SERPINA3: variants seen among roughly 807,000 people sequenced by gnomAD.
SERPINA3 encodes the protein serpin family A member 3.
A neutral mutation model predicts 26.8 loss-of-function variants in SERPINA3; 32 were observed. The ratio of observed to expected loss-of-function variants is 1.20; its 90% confidence interval spans 0.90 to 1.61. The LOEUF is 1.61. Among genes scored for constraint, SERPINA3 ranks in the 40% most tolerant of loss-of-function variants. The pLI is 0.00. For missense variants in SERPINA3, 632 were observed against 517.9 expected (o/e 1.22, Z -2.14); for synonymous variants, 252 against 206.4 (o/e 1.22, Z -1.89).
intron 3 of SERPINA3, 39 bp from the exon 4 acceptor site, chr14:94,622,302 C>G (rs1886228566): frequency 1.2e-6 from 2 of 1,611,452 alleles, no homozygotes; most frequent in Non-Finnish European, 1.7e-6. Flanking sequence ...AGGTACTGAT[C>G]AGCAGAGGTT....
At position 94,614,450 on chromosome 14, in the gene SERPINA3, A is replaced by C; in HGVS notation, c.9A>C (p.Arg3Ser). The C allele has an allele frequency of 6.2e-7, 1 of 1,613,710 alleles. No homozygotes were observed. Among genetic ancestry groups the C allele is most frequent in the East Asian group, 2.2e-5 (1 of 44,842 alleles). Reference sequence around the variant, plus strand: ...GCTTTTCAGAGTTGAGAATGGAGAGAATGTTACCTCTCCTGGCTCTGGGGC... The same window carrying C: ...GCTTTTCAGAGTTGAGAATGGAGAGCATGTTACCTCTCCTGGCTCTGGGGC... ME[R>S]MLPLLALGLL... The change falls in exon 2 of 5, where the codon AGA becomes AGC. Residue 3 changes from arginine to serine, a missense_variant. Arg to Ser is a moderately radical substitution (Grantham distance 110). Transcript: ENST00000393078.
chr14:94,612,851 C>T lies in SERPINA3; in HGVS notation c.-9+404C>T, dbSNP rs555812660. ...GGTCCCTCTGAGCAGAGGCCACAGG[C>T]CTCACCATGATTTCAGGGTCTCCAT... On this transcript the variant is annotated intron_variant, in intron 1 of 4. Transcript: ENST00000393078. Among the ~76,000 whole-genome samples, 148 of 152,244 alleles carry T rather than the reference C, an allele frequency of 9.7e-4. 1 individual carries two copies. Among genetic ancestry groups the T allele is most frequent in the African/African-American group, 3.4e-3 (143 of 41,524 alleles).
Position 94,620,027 on chromosome 14 carries a change from A to G in SERPINA3, c.917+559A>G, listed in dbSNP as rs1443570545. 1.7e-5 allele frequency: 4 copies of G among 232,938 alleles called. No individual in the cohort carries two copies. The Admixed American group carries it at 2.0e-4, about 12-fold the overall frequency. The allele number at this position is 232,938 out of a possible 1,614,324, so 14.4% of individuals were successfully genotyped here. A position where few individuals can be genotyped will look rare whatever the true frequency, so the allele number is the denominator to read the frequency against. Reference sequence around the variant, plus strand: ...GGACAGGCAATAAATAAATATAACAAATAAGTTACGTGATATATTAGAAGG... The same window carrying G: ...GGACAGGCAATAAATAAATATAACAGATAAGTTACGTGATATATTAGAAGG... On this transcript the variant is annotated intron_variant, in intron 3 of 4. Transcript: ENST00000393078.
At chr14:94,622,520 C>A (rs763853367) in intron 4 of SERPINA3, 29 bp downstream of exon 4, 1 of 1,612,732 alleles carries the variant, frequency 6.2e-7, no homozygotes, top group Non-Finnish European at 8.5e-7. Context: ...GTCAATTCAT[C>A]CTTTGTATCC....
At chr14:94,619,519 C>T (rs1886126706) in intron 3 of SERPINA3, 51 bp downstream of exon 3, 1 of 1,608,002 alleles carries the variant, frequency 6.2e-7, no homozygotes, top group Non-Finnish European at 8.5e-7. Flanking sequence ...GTCAAGGTCT[C>T]ACCAATGTCC....
chr14:94,617,168 T>C (rs537842294), intron 2 of SERPINA3, among the ~76,000 whole-genome samples: 10 of 152,180 alleles, frequency 6.6e-5, no homozygotes, highest in East Asian at 3.9e-4. Flanking sequence ...CAGAAGCCCC[T>C]GAATGGCTGC....
Position 94,619,483 on chromosome 14 carries a change from C to T in SERPINA3, c.917+15C>T, listed in dbSNP as rs1401046760. ...CTGGAGTTCAGGTGATTCTTCCTGG[C>T]CCCCAAAGACCCCACATCTCTCCAC... is the stretch of plus-strand genomic sequence containing the variant. On this transcript the variant is annotated intron_variant, in intron 3 of 4. Coordinates refer to ENST00000393078, the MANE Select transcript of SERPINA3 (RefSeq NM_001085.5). 10 of 1,613,504 alleles carry T rather than the reference C, an allele frequency of 6.2e-6. No homozygotes were observed. Among genetic ancestry groups the T allele is most frequent in the Admixed American group, 5.0e-5 (3 of 59,974 alleles).
intron 2 of SERPINA3, chr14:94,615,513 C>T: frequency 2.2e-6 from 1 of 454,444 alleles, no homozygotes; most frequent in African/African-American, 2.0e-5. Flanking sequence ...GGGAGGAGCA[C>T]ATTCCAGCCA....
chr14:94,615,001 G>C lies in SERPINA3; in HGVS notation c.560G>C (p.Gly187Ala). 1.2e-6 allele frequency: 2 copies of C among 1,614,200 alleles called. No individual in the cohort carries two copies. Among genetic ancestry groups the C allele is most frequent in the South Asian group, 1.1e-5 (1 of 91,078 alleles). ...KKLINDYVKN[G>A]TRGKITDLIK... ...CTCATCAACGACTACGTGAAGAATG[G>C]AACTAGGGGGAAAATCACAGATCTG... Residue 187 changes from glycine to alanine, a missense_variant, in exon 2 of 5, where the codon GGA (glycine) becomes GCA (alanine). Transcript: ENST00000393078.
rs775502862 is a variant in SERPINA3, at chr14:94,622,425, G to A, written c.1002G>A (p.Glu334=). ...ACATACTTCTCCAGCTGGGCATTGA[G>A]GAAGCCTTCACCAGCAAGGCTGACC... ...LNDILLQLGI[E]EAFTSKADLS... is the part of the protein sequence containing the mutation. The change falls in exon 4 of 5, where the codon GAG becomes GAA. Residue 334 remains glutamate, a synonymous_variant. Coordinates refer to ENST00000393078, the MANE Select transcript of SERPINA3 (RefSeq NM_001085.5). The A allele has an allele frequency of 1.2e-6, 2 of 1,614,140 alleles. No homozygotes were observed. The highest frequency in any genetic ancestry group is 1.7e-6 in the Non-Finnish European group (2 of 1,180,012).
chr14:94,612,893 C>A (rs916364545), intron 1 of SERPINA3, among the ~76,000 whole-genome samples: 13 of 152,230 alleles, frequency 8.5e-5, no homozygotes, highest in Middle Eastern at 3.4e-3. Flanking sequence ...GCCTCGGGAG[C>A]TCCACTTCCC....
chr14:94,615,000 G>A lies in SERPINA3; in HGVS notation c.559G>A (p.Gly187Arg), dbSNP rs2139954412. Residue 187 changes from glycine (G) to arginine (R), a missense_variant, in exon 2 of 5, where the codon GGA becomes AGA. Transcript: ENST00000393078. ...KKLINDYVKN[G>R]TRGKITDLIK... ...GCTCATCAACGACTACGTGAAGAATGGAACTAGGGGGAAAATCACAGATCT... is the reference window on the plus strand; with the variant it reads ...GCTCATCAACGACTACGTGAAGAATAGAACTAGGGGGAAAATCACAGATCT... The A allele has an allele frequency of 2.5e-6, 4 of 1,614,114 alleles. No individual in the cohort carries two copies. The highest frequency in any genetic ancestry group is 3.4e-6 in the Non-Finnish European group (4 of 1,179,974).
At position 94,614,918 on chromosome 14, in the gene SERPINA3, G is replaced by C; in HGVS notation, c.477G>C (p.Arg159Ser). Reference sequence around the variant, plus strand: ...ACAGGTTCACGGAGGATGCCAAGAGGCTGTATGGCTCCGAGGCCTTTGCCA... The same window carrying C: ...ACAGGTTCACGGAGGATGCCAAGAGCCTGTATGGCTCCGAGGCCTTTGCCA... ...LLDRFTEDAK[R>S]LYGSEAFATD... The change falls in exon 2 of 5, where the codon AGG (arginine) becomes AGC (serine). Residue 159 changes from arginine (R) to serine (S), a missense_variant. By Grantham distance (110) the Arg-to-Ser change is moderately radical (BLOSUM62 -1). Coordinates refer to ENST00000393078, the MANE Select transcript of SERPINA3 (RefSeq NM_001085.5). 1 of 1,613,978 alleles carries C rather than the reference G, an allele frequency of 6.2e-7. No individual in the cohort carries two copies. The highest frequency in any genetic ancestry group is 8.5e-7 in the Non-Finnish European group (1 of 1,179,838).
Position 94,623,799 on chromosome 14 carries a change from T to A in SERPINA3, c.1257T>A (p.Asn419Lys), listed in dbSNP as rs772877383. ...QNIFFMSKVT[N>K]PKQA ...TCTTCTTCATGAGCAAAGTCACCAA[T>A]CCCAAGCAAGCCTAGAGCTTGCCAT... The change falls in exon 5 of 5, where the codon AAT (asparagine) becomes AAA (lysine). Residue 419 changes from asparagine (N) to lysine (K), a missense_variant. By Grantham distance (94) the Asn-to-Lys change is moderately conservative. Coordinates refer to ENST00000393078, the MANE Select transcript of SERPINA3 (RefSeq NM_001085.5). 28 of 1,613,886 alleles carry A rather than the reference T, an allele frequency of 1.7e-5. No homozygotes were observed. In the African/African-American group the frequency reaches 2.8e-4, roughly 16 times the overall value.
Position 94,621,214 on chromosome 14 carries a change from C to T in SERPINA3, c.918-1127C>T, listed in dbSNP as rs764850467. Among the ~76,000 whole-genome samples the T allele has an allele frequency of 1.1e-4, 17 of 152,154 alleles. 1 individual carries two copies. Among genetic ancestry groups the T allele is most frequent in the Admixed American group, 8.5e-4 (13 of 15,286 alleles). Reference sequence around the variant, plus strand: ...ACGTGGGGGTCCTACCCAACCCATCCGTTTACTCCCAGACTCCTTCCTCCT... The same window carrying T: ...ACGTGGGGGTCCTACCCAACCCATCTGTTTACTCCCAGACTCCTTCCTCCT... On this transcript the variant is annotated intron_variant, in intron 3 of 4. Coordinates refer to ENST00000393078, the MANE Select transcript of SERPINA3 (RefSeq NM_001085.5).
At chr14:94,619,162 C>G in intron 2 of SERPINA3, 33 bp from the exon 3 acceptor site, 1 of 1,613,974 alleles carries the variant, frequency 6.2e-7, no homozygotes. Context: ...CCCTTGCACT[C>G]ACACCTTCTC....
chr14:94,616,480 C>T (rs1480796416), intron 2 of SERPINA3, among the ~76,000 whole-genome samples: 1 of 152,140 alleles, frequency 6.6e-6, no homozygotes, highest in Non-Finnish European at 1.5e-5. Context: ...TGGAGGGGAC[C>T]GAGCATGCAT....
At position 94,623,750 on chromosome 14, in the gene SERPINA3, T is replaced by C. The variant is rs951442979; in HGVS notation, c.1208T>C (p.Ile403Thr). ...TTCAACAGGCCCTTCCTGATGATCA[T>C]TGTCCCTACAGACACCCAGAACATC... is the stretch of plus-strand genomic sequence containing the variant. ...VRFNRPFLMIIVPTDTQNIFF... is the reference protein window; with the variant it reads ...VRFNRPFLMITVPTDTQNIFF... The change falls in exon 5 of 5, where the codon ATT becomes ACT. Residue 403 changes from isoleucine (I) to threonine (T), a missense_variant. Physicochemically the swap from Ile to Thr is moderately conservative, Grantham distance 89 (BLOSUM62 -1). Coordinates refer to ENST00000393078, the MANE Select transcript of SERPINA3 (RefSeq NM_001085.5). 3.1e-6 allele frequency: 5 copies of C among 1,614,166 alleles called. No individual in the cohort carries two copies. The highest frequency in any genetic ancestry group is 4.2e-6 in the Non-Finnish European group (5 of 1,180,030).
At position 94,614,101 on chromosome 14, in the gene SERPINA3, C is replaced by G. The variant is rs1566845779; in HGVS notation, c.-8-333C>G. 7 of 338,342 alleles carry G rather than the reference C, an allele frequency of 2.1e-5. No individual in the cohort carries two copies. The South Asian group carries it at 2.4e-4, about 11-fold the overall frequency. The allele number at this position is 338,342 out of a possible 1,614,324, so 21.0% of individuals were successfully genotyped here. A position where few individuals can be genotyped will look rare whatever the true frequency, so the allele number is the denominator to read the frequency against. On this transcript the variant is annotated intron_variant, in intron 1 of 4. Coordinates refer to ENST00000393078, the MANE Select transcript of SERPINA3 (RefSeq NM_001085.5). ...TGATTGGACTGAACCTCGGACCCCCCATCAGCTTACAGACCGAGGAGCCAG... is the reference window on the plus strand; with the variant it reads ...TGATTGGACTGAACCTCGGACCCCCGATCAGCTTACAGACCGAGGAGCCAG...
Sources: gnomAD v4.1 joint callset for allele counts (sites outside exome capture counted in the v4.1 genomes callset) on GRCh38, gnomAD v4.1.1 for gene constraint, MANE v1.5 for transcripts, NCBI Gene and HGNC (gene_info 2026-07-23, HGNC 2026-07-21) for gene names.